The following BMPER variants were observed in gnomAD, a reference collection of about 807,000 sequenced individuals.
BMPER encodes the protein BMP binding endothelial regulator.
Under a neutral mutation model 87.3 loss-of-function variants are expected in BMPER, and 45 were observed. The ratio of observed to expected loss-of-function variants is 0.52; its 90% CI spans 0.41 to 0.66. The LOEUF is 0.66. Ranked by LOEUF, BMPER falls within the 30% of genes least tolerant of loss-of-function variation. The pLI is 0.00. For missense variants in BMPER, 784 were observed against 867.5 expected (o/e 0.90, Z 1.21); for synonymous variants, 326 against 316.2 (o/e 1.03, Z -0.33).
chr7:34,065,462 GCA>G (rs1393683009), intron 11 of BMPER, among the ~76,000 whole-genome samples: 1 of 152,154 alleles, frequency 6.6e-6, no homozygotes, highest in African/African-American at 2.4e-5. Flanking sequence ...CCCCTGGGGA[GCA>G]CAGTTACCCC....
chr7:34,126,884 A>G (rs1583463403), intron 13 of BMPER, among the ~76,000 whole-genome samples: 1 of 152,192 alleles, frequency 6.6e-6, no homozygotes, highest in Non-Finnish European at 1.5e-5. Flanking sequence ...AAATGTCCAA[A>G]TTGCATCCTA....
intron 3 of BMPER, among the ~76,000 whole-genome samples, chr7:33,943,830 T>C (rs1474056718): frequency 6.6e-6 from 1 of 152,164 alleles, no homozygotes; most frequent in Non-Finnish European, 1.5e-5. Context: ...GACCCAGTTC[T>C]CTCCTGCTCT....
intron 2 of BMPER, among the ~76,000 whole-genome samples, chr7:33,929,366 T>C (rs1352419802): frequency 6.6e-6 from 1 of 152,182 alleles, no homozygotes; most frequent in Non-Finnish European, 1.5e-5. Context: ...ACTTGGCAGG[T>C]TCGGGTCCAG....
At chr7:33,941,113 T>A (rs1456452797) in intron 3 of BMPER, among the ~76,000 whole-genome samples, 1 of 138,012 alleles carries the variant, frequency 7.2e-6, no homozygotes. Context: ...ATATTACATA[T>A]AATTTATATA....
intron 6 of BMPER, among the ~76,000 whole-genome samples, chr7:34,023,000 C>T (rs1787238736): frequency 6.6e-6 from 1 of 152,008 alleles, no homozygotes; most frequent in Admixed American, 6.6e-5. Flanking sequence ...TTAATGAAGA[C>T]TATTTGAGAA....
chr7:34,086,572 A>T (rs1003269030), intron 13 of BMPER, among the ~76,000 whole-genome samples: 3 of 152,232 alleles, frequency 2.0e-5, no homozygotes, highest in Non-Finnish European at 2.9e-5. Context: ...TCAAATGTGC[A>T]CATGGAAAAT....
intron 14 of BMPER, among the ~76,000 whole-genome samples, chr7:34,151,345 C>T (rs1276890645): frequency 1.3e-5 from 2 of 152,104 alleles, no homozygotes; most frequent in Non-Finnish European, 2.9e-5. Context: ...TAGTGAGGGA[C>T]CACACAAAAC....
At chr7:33,996,169 A>C (rs902788034) in intron 6 of BMPER, among the ~76,000 whole-genome samples, 1 of 152,224 alleles carries the variant, frequency 6.6e-6, no homozygotes, top group Non-Finnish European at 1.5e-5. Context: ...GAAATGAAAA[A>C]GTCGCTTTAG....
At chr7:33,982,069 T>C (rs1785878602) in intron 6 of BMPER, among the ~76,000 whole-genome samples, 1 of 152,162 alleles carries the variant, frequency 6.6e-6, no homozygotes, top group African/African-American at 2.4e-5. Flanking sequence ...CTCCTCCTGC[T>C]CCAGCATCTC....
In BMPER at chr7:34,155,127, T is replaced by C. The variant is rs1791279086; in HGVS notation, c.*1854T>C. On this transcript the variant is annotated 3_prime_UTR_variant, in exon 15 of 15. Coordinates refer to ENST00000649409, the MANE Select transcript of BMPER (RefSeq NM_001365308.1). ...GACTTTGGGCAGTAATGGGAGGCAC[T>C]GAGGGTTTGCAAATACTTTCCTACT... is the stretch of plus-strand genomic sequence containing the variant. 1 of 152,222 alleles carries C rather than the reference T, an allele frequency of 6.6e-6. No homozygotes were observed. Among genetic ancestry groups the C allele is most frequent in the Admixed American group, 6.5e-5 (1 of 15,276 alleles). The allele number at this position is 152,222 out of a possible 1,614,324, so 9.4% of individuals were successfully genotyped here.
chr7:33,925,903 G>A (rs1366409797), intron 2 of BMPER, among the ~76,000 whole-genome samples: 1 of 152,214 alleles, frequency 6.6e-6, no homozygotes, highest in African/African-American at 2.4e-5. Context: ...AGTGGGCCAC[G>A]TAGTGTCTAA....
chr7:33,949,734 C>T (rs1161120806), intron 3 of BMPER, among the ~76,000 whole-genome samples: 1 of 152,016 alleles, frequency 6.6e-6, no homozygotes, highest in Non-Finnish European at 1.5e-5. Flanking sequence ...CACCTGGCCT[C>T]AGAAATTTGA....
intron 13 of BMPER, among the ~76,000 whole-genome samples, chr7:34,118,973 ATCTCTCTC>A (rs150887903): frequency 7.8e-6 from 1 of 127,726 alleles, no homozygotes; most frequent in South Asian, 2.6e-4. Context: ...ATTCCTTAAA[ATCTCTCTC>A]TCTCTCTCTC....
chr7:33,960,411 T>C (rs1277718192), intron 3 of BMPER, among the ~76,000 whole-genome samples: 1 of 152,154 alleles, frequency 6.6e-6, no homozygotes, highest in Non-Finnish European at 1.5e-5. Flanking sequence ...ATTAAAAAAA[T>C]TGTATTGGGC....
Position 34,047,920 on chromosome 7 carries a change from C to T in BMPER, c.676+1515C>T, listed in dbSNP as rs192832179. Among the ~76,000 whole-genome samples, 5 of 151,390 alleles carry T rather than the reference C, an allele frequency of 3.3e-5. No individual in the cohort carries two copies. The East Asian group carries it at 9.7e-4, about 29-fold the overall frequency. ...ATCCTGTGATGGAGAGCAGATTTCGCTGAGGGTTTGCAGTCAATAAGAGTG... is the reference window on the plus strand; with the variant it reads ...ATCCTGTGATGGAGAGCAGATTTCGTTGAGGGTTTGCAGTCAATAAGAGTG... On this transcript the variant is annotated intron_variant, in intron 7 of 14. Coordinates refer to ENST00000649409, the MANE Select transcript of BMPER (RefSeq NM_001365308.1).
chr7:34,073,222 T>C (rs1424951133), intron 11 of BMPER, among the ~76,000 whole-genome samples: 1 of 152,224 alleles, frequency 6.6e-6, no homozygotes, highest in African/African-American at 2.4e-5. Flanking sequence ...ATGTATTACA[T>C]ATATACCGTT....
chr7:34,074,575 C>A (rs34862009), intron 11 of BMPER, among the ~76,000 whole-genome samples: 4 of 152,008 alleles, frequency 2.6e-5, no homozygotes, highest in Non-Finnish European at 5.9e-5. Context: ...TCTCGTGGGG[C>A]CTGTTTCCCT....
chr7:34,089,751 T>G (rs1789327982), intron 13 of BMPER, among the ~76,000 whole-genome samples: 1 of 152,176 alleles, frequency 6.6e-6, no homozygotes, highest in South Asian at 2.1e-4. Context: ...CCCAAAGTGC[T>G]GGGATTACAG....
intron 14 of BMPER, among the ~76,000 whole-genome samples, chr7:34,146,057 A>G (rs746877106): frequency 6.6e-6 from 1 of 152,062 alleles, no homozygotes; most frequent in African/African-American, 2.4e-5. Flanking sequence ...ACACACATAC[A>G]CACACGCACA....
Sources: gnomAD v4.1 joint callset for allele counts (sites outside exome capture counted in the v4.1 genomes callset) on GRCh38, gnomAD v4.1.1 for gene constraint, MANE v1.5 for transcripts, NCBI Gene and HGNC (gene_info 2026-07-23, HGNC 2026-07-21) for gene names.